Variants in ZNF512 observed in about 807,000 individuals in gnomAD.
ZNF512 encodes the protein zinc finger protein 512.
Under a neutral mutation model 77.5 loss-of-function variants are expected in ZNF512, and 25 were observed. The ratio of observed to expected loss-of-function variants is 0.32; its 90% CI spans 0.23 to 0.45. The LOEUF (loss-of-function observed/expected upper bound fraction) is 0.45, where lower values mean the gene tolerates loss of function less well. Ranked by LOEUF, ZNF512 falls within the 20% of genes least tolerant of loss-of-function variation. The pLI, the probability that ZNF512 is intolerant of heterozygous loss-of-function variation, is 1.00. For synonymous variants in ZNF512, 246 were observed against 239.9 expected (o/e 1.03, Z -0.24); for missense variants, 483 against 692.6 (o/e 0.70, Z 3.40).
intron 10 of ZNF512, among the ~76,000 whole-genome samples, chr2:27,611,979 C>T (rs542623949): frequency 1.3e-5 from 2 of 152,242 alleles, no homozygotes; most frequent in African/African-American, 2.4e-5. Flanking sequence ...AACCACCGTG[C>T]GTGGCCGCCT....
chr2:27,586,935 T>G (rs1187391129), intron 2 of ZNF512, among the ~76,000 whole-genome samples: 2 of 152,268 alleles, frequency 1.3e-5, no homozygotes, highest in South Asian at 4.1e-4. Context: ...AATTCCATTA[T>G]GGATACCATA....
Position 27,621,209 on chromosome 2 carries a change from A to G in ZNF512, c.1452A>G (p.Ile484Met). The change falls in exon 14 of 14, where the codon ATA (isoleucine) becomes ATG (methionine). Residue 484 changes from isoleucine to methionine, a missense_variant. Around this residue, in one of 2 missense-constraint regions of ZNF512, gnomAD observed 324 missense variants for 525.0 expected, o/e 0.62. Transcript: ENST00000355467. ...TTKSFEKLMK[I>M]KQRQQEEEKR... is the part of the protein sequence containing the mutation. ...AAAGCTTTGAAAAGCTGATGAAGAT[A>G]AAGCAGCGGCAGCAAGAAGAAGAAA... 1 of 1,614,216 alleles carries G rather than the reference A, an allele frequency of 6.2e-7. No homozygotes were observed.
rs773201562 is a variant in ZNF512 at position 27,621,384 on chromosome 2, C to G, written c.1627C>G (p.Pro543Ala). 1.9e-6 allele frequency: 3 copies of G among 1,613,884 alleles called. No homozygotes were observed. The highest frequency in any genetic ancestry group is 2.5e-6 in the Non-Finnish European group (3 of 1,180,024). ...GGTAGTGTCAGCCTCCTGTAAGGAACCAGAGCAGGAGCCAGTGCCAGCACA... is the reference window on the plus strand; with the variant it reads ...GGTAGTGTCAGCCTCCTGTAAGGAAGCAGAGCAGGAGCCAGTGCCAGCACA... ...ELVVSASCKEPEQEPVPAQFQ... is the reference protein window; with the variant it reads ...ELVVSASCKEAEQEPVPAQFQ... The change falls in exon 14 of 14, where the codon CCA becomes GCA. Residue 543 changes from proline (P) to alanine (A), a missense_variant. Pro to Ala is a conservative substitution (Grantham distance 27). This residue lies in a region of ZNF512 where 324 missense variants were observed against 525.0 expected (regional missense o/e 0.62). Coordinates refer to ENST00000355467, the MANE Select transcript of ZNF512 (RefSeq NM_032434.4).
At chr2:27,591,407 T>G (rs1671574302) in intron 2 of ZNF512, among the ~76,000 whole-genome samples, 1 of 152,146 alleles carries the variant, frequency 6.6e-6, no homozygotes, top group Non-Finnish European at 1.5e-5. Context: ...TACAATTAAG[T>G]TCTTAAAATT....
At chr2:27,608,916 CTGGCCAACATGGTGA>C (rs1672482741) in intron 10 of ZNF512, among the ~76,000 whole-genome samples, 1 of 151,912 alleles carries the variant, frequency 6.6e-6, no homozygotes, top group Non-Finnish European at 1.5e-5. Context: ...CGAGACCATC[CTGGCCAACATGGTGA>C]AACCCCCTCT....
At chr2:27,617,430 T>C (rs1469668579) in intron 12 of ZNF512, 43 bp from the exon 13 acceptor site, 2 of 821,508 alleles carry the variant, frequency 2.4e-6, no homozygotes, top group Non-Finnish European at 2.2e-6. Context: ...GTTATGTTGC[T>C]GAATTTACCA....
At chr2:27,606,907 G>A (rs1672389939) in intron 9 of ZNF512, among the ~76,000 whole-genome samples, 1 of 152,130 alleles carries the variant, frequency 6.6e-6, no homozygotes, top group Admixed American at 6.6e-5. Flanking sequence ...GTTCCGTGCA[G>A]TTGCAGGAGT....
intron 10 of ZNF512, among the ~76,000 whole-genome samples, chr2:27,614,921 C>T (rs185449971): frequency 3.5e-4 from 53 of 151,230 alleles, no homozygotes; most frequent in African/African-American, 1.2e-3. Context: ...TCTTTTTAAA[C>T]TGTAGGTGAA....
At chr2:27,584,008 A>G (rs2147996047) in intron 2 of ZNF512, among the ~76,000 whole-genome samples, 1 of 152,352 alleles carries the variant, frequency 6.6e-6, no homozygotes, top group East Asian at 1.9e-4. Context: ...GTCTAGTATC[A>G]TAGCTACTAG....
chr2:27,609,498 G>T (rs1672515130), intron 10 of ZNF512, among the ~76,000 whole-genome samples: 1 of 152,174 alleles, frequency 6.6e-6, no homozygotes, highest in Admixed American at 6.5e-5. Flanking sequence ...GGGAGGCTGA[G>T]GTGGGTGAAA....
In ZNF512 at chr2:27,615,217, A is replaced by G. The variant is rs891535481; in HGVS notation, c.1181A>G (p.His394Arg). 1.2e-6 allele frequency: 2 copies of G among 1,608,202 alleles called. No homozygotes were observed. The highest frequency in any genetic ancestry group is 1.7e-6 in the Non-Finnish European group (2 of 1,177,376). The change falls in exon 11 of 14, where the codon CAT (histidine) becomes CGT (arginine). Residue 394 changes from histidine (H) to arginine (R), a missense_variant. By Grantham distance (29) the His-to-Arg change is conservative (BLOSUM62 0). This residue lies in a region of ZNF512 where 324 missense variants were observed against 525.0 expected (regional missense o/e 0.62). Coordinates refer to ENST00000355467, the MANE Select transcript of ZNF512 (RefSeq NM_032434.4). ...GLPTFSQEVL[H>R]KWKTDIKKYH... ...CCTACCTTCAGCCAGGAAGTACTAC[A>G]TAAATGGAAGACAGATATCAAGAAA... is the stretch of plus-strand genomic sequence containing the variant.
intron 13 of ZNF512, among the ~76,000 whole-genome samples, chr2:27,618,184 T>G (rs535865235): frequency 1.3e-5 from 2 of 152,246 alleles, no homozygotes; most frequent in Admixed American, 6.5e-5. Flanking sequence ...CCTCCCAAAG[T>G]GCTAGGATTA....
intron 2 of ZNF512, among the ~76,000 whole-genome samples, chr2:27,596,659 A>C (rs1033536205): frequency 6.6e-6 from 1 of 152,228 alleles, no homozygotes; most frequent in Admixed American, 6.5e-5. Context: ...TTTGTTTTAC[A>C]GAGTCCAGTG....
chr2:27,616,455 T>C, intron 12 of ZNF512, 131 bp downstream of exon 12: 1 of 708,142 alleles, frequency 1.4e-6, no homozygotes, highest in East Asian at 2.7e-5. Context: ...TAGATTTTTA[T>C]GTCTCTAAGA....
In ZNF512 at chr2:27,616,288, A is replaced by T; in HGVS notation, c.1260A>T (p.Val420=). The T allele has an allele frequency of 6.2e-7, 1 of 1,614,148 alleles. No homozygotes were observed. The highest frequency in any genetic ancestry group is 8.5e-7 in the Non-Finnish European group (1 of 1,179,964). ...NQGCEAVYSS[V]SGLKAHLGSC... The stretch of plus-strand genomic sequence containing the variant: ...GCTGTGAGGCTGTCTACAGCAGTGT[A>T]TCTGGCCTTAAAGCTCACCTGGGCT... Residue 420 remains valine (V), a synonymous_variant, in exon 12 of 14, where the codon GTA becomes GTT. Transcript: ENST00000355467.
chr2:27,600,989 T>G (rs979863112), intron 6 of ZNF512, among the ~76,000 whole-genome samples, 174 bp downstream of exon 6: 3 of 152,246 alleles, frequency 2.0e-5, no homozygotes, highest in Non-Finnish European at 4.4e-5. Context: ...AGCCACATAC[T>G]AGTGTGGCAT....
intron 9 of ZNF512, among the ~76,000 whole-genome samples, chr2:27,607,417 G>A (rs1342581441): frequency 6.6e-6 from 1 of 151,748 alleles, no homozygotes; most frequent in Non-Finnish European, 1.5e-5. Flanking sequence ...ACCCAGGCTG[G>A]AATGTAGTGG....
rs1415534414 is a variant in ZNF512, at chr2:27,583,637, C to T, written c.31-21C>T. On this transcript the variant is annotated intron_variant, in intron 1 of 13. Coordinates refer to ENST00000355467, the MANE Select transcript of ZNF512 (RefSeq NM_032434.4). ...GGTTCAGAGGTCCCTAGCACTCACT[C>T]GTGTGCTTGTGATTTGCTAGACTTC... The T allele has an allele frequency of 3.7e-6, 6 of 1,613,560 alleles. 1 individual carries two copies. In the South Asian group the frequency reaches 4.4e-5, roughly 12 times the overall value.
intron 13 of ZNF512, 135 bp downstream of exon 13, chr2:27,617,706 T>C: frequency 1.7e-6 from 1 of 578,882 alleles, no homozygotes; most frequent in South Asian, 2.5e-5. Flanking sequence ...GTTAAAATAT[T>C]CTCTAAACTT....
Sources: gnomAD v4.1 joint callset for allele counts (sites outside exome capture counted in the v4.1 genomes callset) on GRCh38, gnomAD v4.1.1 for gene constraint, gnomAD v4.1.1 regional missense constraint, MANE v1.5 for transcripts, NCBI Gene and HGNC (gene_info 2026-07-23, HGNC 2026-07-21) for gene names.